Variants in PDE4D observed in about 807,000 individuals in gnomAD.
PDE4D encodes 3',5'-cyclic-AMP phosphodiesterase 4D.
Under a neutral mutation model 87.4 loss-of-function variants are expected in PDE4D, and 24 were observed. The observed-to-expected ratio is 0.27, with a 90% CI of 0.20 to 0.39. PDE4D has a LOEUF of 0.39. PDE4D is among the 10% of genes least tolerant of loss of function. The pLI is 1.00. For synonymous variants in PDE4D, 384 were observed against 383.2 expected, an observed-to-expected ratio of 1.00 and a Z score of -0.02; for missense variants, 714 against 1,041.0, an observed-to-expected ratio of 0.69 and a Z score of 4.32.
intron 1 of PDE4D, among the ~76,000 whole-genome samples, chr5:59,306,613 C>T (rs1476427496): frequency 6.6e-6 from 1 of 152,016 alleles, no homozygotes; most frequent in Admixed American, 6.6e-5. Flanking sequence ...TTCACAATTG[C>T]TTCAAAGAGA....
chr5:60,365,067 A>G (rs1760403596), intron 1 of PDE4D, among the ~76,000 whole-genome samples: 1 of 152,224 alleles, frequency 6.6e-6, no homozygotes, highest in Non-Finnish European at 1.5e-5. Flanking sequence ...TAAGTAGATG[A>G]CATCTCTCCT....
intron 5 of PDE4D, among the ~76,000 whole-genome samples, chr5:59,068,599 C>T (rs1233037656): frequency 6.6e-6 from 1 of 152,054 alleles, no homozygotes; most frequent in Non-Finnish European, 1.5e-5. Flanking sequence ...AAATGTAACA[C>T]CTCCAAAAAA....
intron 2 of PDE4D, among the ~76,000 whole-genome samples, chr5:60,001,902 T>C (rs949096590): frequency 1.5e-4 from 22 of 143,680 alleles, no homozygotes; most frequent in Admixed American, 8.3e-4. Flanking sequence ...AAAAAAACTC[T>C]AATAGATCCA....
Position 59,253,322 on chromosome 5 carries a change from C to A in PDE4D, c.456-37354G>T, listed in dbSNP as rs531134077. 2.0e-5 allele frequency among the ~76,000 whole-genome samples: 3 copies of A among 152,212 alleles called. No individual in the cohort carries two copies. In the East Asian group the frequency reaches 5.8e-4, roughly 29 times the overall value. ...GGAATACATTTTATGATTAACATAT[C>A]TTTATATATAAACAAAATAAAATAT... is the stretch of plus-strand genomic sequence containing the variant. On this transcript the variant is annotated intron_variant, in intron 1 of 14. Transcript: ENST00000340635.
At position 59,061,639 on chromosome 5, in the gene PDE4D, T is replaced by C. The variant is rs191342157; in HGVS notation, c.809-22668A>G. ...TCACACCCTCCTCTTACAGAGACTC[T>C]TCCTGTCCATTCTAATCCCTGACAC... On this transcript the variant is annotated intron_variant, in intron 5 of 14. Transcript: ENST00000340635. Among the ~76,000 whole-genome samples, 7 of 152,184 alleles carry C rather than the reference T, an allele frequency of 4.6e-5. No homozygotes were observed. In the East Asian group the frequency reaches 1.4e-3, roughly 30 times the overall value.
intron 1 of PDE4D, among the ~76,000 whole-genome samples, chr5:59,818,608 G>A (rs1769264148): frequency 6.6e-6 from 1 of 152,154 alleles, no homozygotes; most frequent in Admixed American, 6.5e-5. Flanking sequence ...CAGCTCCTCA[G>A]AAGAGCCAAA....
chr5:59,715,132 T>C (rs1422503371), intron 1 of PDE4D, among the ~76,000 whole-genome samples: 2 of 152,252 alleles, frequency 1.3e-5, no homozygotes, highest in Non-Finnish European at 2.9e-5. Flanking sequence ...AGTTGTCGTG[T>C]AGACGAGTTA....
intron 2 of PDE4D, among the ~76,000 whole-genome samples, chr5:59,993,164 A>G (rs1158613870): frequency 6.6e-6 from 1 of 152,076 alleles, no homozygotes; most frequent in Non-Finnish European, 1.5e-5. Context: ...TAAAATTCAG[A>G]CTCCCGGGTC....
chr5:60,167,288 GAGACGGAGTCTCGCTGTCGCCC>G (rs1783007663), intron 2 of PDE4D, among the ~76,000 whole-genome samples: 2 of 29,846 alleles, frequency 6.7e-5, no homozygotes, highest in Non-Finnish European at 1.4e-4. Context: ...TTTTTTTTTT[GAGACGGAGTCTCGCTGTCGCCC>G]AGGCTGGAGT....
At chr5:60,254,500 A>G (rs745340060) in intron 1 of PDE4D, among the ~76,000 whole-genome samples, 2 of 151,894 alleles carry the variant, frequency 1.3e-5, no homozygotes, top group Non-Finnish European at 2.9e-5. Flanking sequence ...CCTGATGCCC[A>G]ATCCAATGTG....
At chr5:59,549,523 GTTAA>G (rs1174235356) in intron 1 of PDE4D, among the ~76,000 whole-genome samples, 1 of 152,144 alleles carries the variant, frequency 6.6e-6, no homozygotes, top group African/African-American at 2.4e-5. Flanking sequence ...CAATGTGAAT[GTTAA>G]TTAAAGAAAC....
chr5:59,003,736 G>A (rs1751001047), intron 6 of PDE4D, among the ~76,000 whole-genome samples: 1 of 152,092 alleles, frequency 6.6e-6, no homozygotes, highest in Admixed American at 6.5e-5. Flanking sequence ...AAGCCCCTCT[G>A]ATGAGATGAC....
chr5:59,661,593 G>A (rs2150288516), intron 1 of PDE4D, among the ~76,000 whole-genome samples: 1 of 152,244 alleles, frequency 6.6e-6, no homozygotes, highest in South Asian at 2.1e-4. Flanking sequence ...AAATAAACTT[G>A]TGTATAAGGA....
chr5:59,083,465 T>A (rs1376319762), intron 5 of PDE4D, among the ~76,000 whole-genome samples: 1 of 152,044 alleles, frequency 6.6e-6, no homozygotes, highest in Non-Finnish European at 1.5e-5. Flanking sequence ...TCTTCATATC[T>A]TTTTTACTTT....
intron 1 of PDE4D, chr5:59,586,644 T>C: frequency 2.5e-6 from 3 of 1,192,566 alleles, no homozygotes; most frequent in Non-Finnish European, 3.1e-6. Flanking sequence ...TTAGTCAACA[T>C]ACTAAAATAA....
At chr5:59,393,605 T>C (rs142765315) in intron 1 of PDE4D, among the ~76,000 whole-genome samples, 4 of 152,344 alleles carry the variant, frequency 2.6e-5, no homozygotes, top group African/African-American at 9.6e-5. Flanking sequence ...AACACCAATA[T>C]TTAGGGACGT....
intron 2 of PDE4D, among the ~76,000 whole-genome samples, chr5:60,120,927 C>T (rs1261704438): frequency 2.6e-5 from 4 of 151,922 alleles, no homozygotes; most frequent in Admixed American, 2.6e-4. Context: ...AAAGGCAGAC[C>T]CACCCTTAAT....
At chr5:59,471,045 C>A (rs184956217) in intron 1 of PDE4D, among the ~76,000 whole-genome samples, 740 of 152,190 alleles carry the variant, frequency 4.9e-3, no homozygotes, top group Middle Eastern at 0.021. Context: ...AGTTTGAGAC[C>A]AGGTTAGGCC....
At chr5:60,272,561 G>A (rs765944704) in intron 1 of PDE4D, among the ~76,000 whole-genome samples, 3 of 152,164 alleles carry the variant, frequency 2.0e-5, no homozygotes, top group Non-Finnish European at 4.4e-5. Context: ...CATGAAGGCA[G>A]TTTATTCTTC....
Sources: allele counts gnomAD v4.1 joint callset (sites outside exome capture counted in the v4.1 genomes callset), GRCh38; gene constraint gnomAD v4.1.1; transcripts MANE v1.5; gene names NCBI Gene and HGNC (gene_info 2026-07-23, HGNC 2026-07-21).